AKAP13: variants seen among roughly 807,000 people sequenced by gnomAD.
AKAP13 encodes A-kinase anchor protein 13.
Under a neutral mutation model 264.5 loss-of-function variants are expected in AKAP13, and 80 were observed. That is an observed-to-expected ratio of 0.30 (90% CI 0.25 to 0.36). The LOEUF (loss-of-function observed/expected upper bound fraction) is 0.36. AKAP13 is among the 10% of genes least tolerant of loss of function. The pLI is 1.00. For synonymous variants in AKAP13, 1,380 were observed against 1,250.2 expected (o/e 1.10, Z -2.19); for missense variants, 3,712 against 3,435.2 (o/e 1.08, Z -2.01).
chr15:85,464,451 T>C (rs1307817485), intron 1 of AKAP13, among the ~76,000 whole-genome samples: 1 of 151,990 alleles, frequency 6.6e-6, no homozygotes, highest in Non-Finnish European at 1.5e-5. Context: ...GTTTTGAAAC[T>C]TAATCTGTAT....
At chr15:85,625,481 A>T (rs534576064) in intron 8 of AKAP13, among the ~76,000 whole-genome samples, 18 of 152,268 alleles carry the variant, frequency 1.2e-4, no homozygotes, top group Admixed American at 1.0e-3. Flanking sequence ...TCTTTGAATC[A>T]CGTTTGGAAA....
chr15:85,464,547 T>C (rs1264906488), intron 1 of AKAP13, among the ~76,000 whole-genome samples: 1 of 152,228 alleles, frequency 6.6e-6, no homozygotes, highest in East Asian at 1.9e-4. Context: ...TCTAACTCTC[T>C]AGTTTTTGTA....
intron 14 of AKAP13, 102 bp from the exon 15 acceptor site, chr15:85,682,056 G>T (rs936270696): frequency 9.3e-7 from 1 of 1,074,148 alleles, no homozygotes; most frequent in Non-Finnish European, 1.4e-6. Context: ...ACTTTCACAC[G>T]CTGTTTTTGC....
chr15:85,478,223 G>A (rs2075238848), intron 1 of AKAP13, among the ~76,000 whole-genome samples: 1 of 152,136 alleles, frequency 6.6e-6, no homozygotes, highest in East Asian at 1.9e-4. Flanking sequence ...ATATTTTAGG[G>A]GCTCAGAAAT....
At chr15:85,592,704 G>C (rs1013301999) in intron 8 of AKAP13, among the ~76,000 whole-genome samples, 5 of 152,130 alleles carry the variant, frequency 3.3e-5, no homozygotes, top group African/African-American at 9.6e-5. Context: ...AGATTTTTTG[G>C]AGACTCTCTG....
At chr15:85,660,296 T>G (rs2083281362) in intron 12 of AKAP13, among the ~76,000 whole-genome samples, 1 of 134,760 alleles carries the variant, frequency 7.4e-6, no homozygotes, top group Non-Finnish European at 1.5e-5. Flanking sequence ...GAGGTTGCAG[T>G]GAGCTGAGAT....
chr15:85,581,198 C>G lies in AKAP13; in HGVS notation c.3130C>G (p.Pro1044Ala), dbSNP rs376553499. ...AGAGCACAACAGCTCCGCTCTGTTG[C>G]CATGTCTGTTGCCAGATGGGTCTGA... ...GAEHNSSALL[P>A]CLLPDGSDGS... Residue 1044 changes from proline (P) to alanine (A), a missense_variant, in exon 7 of 37, where the codon CCA (proline) becomes GCA (alanine). Transcript: ENST00000394518. 1.2e-6 allele frequency: 2 copies of G among 1,613,712 alleles called. No homozygotes were observed. The highest frequency in any genetic ancestry group is 2.7e-5 in the African/African-American group (2 of 74,910).
intron 5 of AKAP13, among the ~76,000 whole-genome samples, chr15:85,574,514 A>G (rs959556935): frequency 7.9e-5 from 12 of 152,224 alleles, no homozygotes; most frequent in African/African-American, 2.9e-4. Context: ...AAATTTTACG[A>G]ATTTTAACTT....
chr15:85,388,449 G>A (rs2070695554), intron 1 of AKAP13, among the ~76,000 whole-genome samples: 1 of 152,032 alleles, frequency 6.6e-6, no homozygotes, highest in South Asian at 2.1e-4. Flanking sequence ...TGTTAGAGGG[G>A]AAAACACTGA....
intron 15 of AKAP13, among the ~76,000 whole-genome samples, chr15:85,682,470 T>C: frequency 6.6e-6 from 1 of 152,216 alleles, no homozygotes; most frequent in East Asian, 1.9e-4. Flanking sequence ...CACTATTATT[T>C]GACTTTATGA....
chr15:85,495,215 T>G (rs2075837494), intron 2 of AKAP13, among the ~76,000 whole-genome samples: 1 of 152,204 alleles, frequency 6.6e-6, no homozygotes, highest in Non-Finnish European at 1.5e-5. Context: ...AGTAAGGCTT[T>G]CTCTTGTAAA....
chr15:85,714,205 A>C (rs1264202415), intron 19 of AKAP13, among the ~76,000 whole-genome samples: 1 of 152,254 alleles, frequency 6.6e-6, no homozygotes, highest in Non-Finnish European at 1.5e-5. Context: ...TTTAAAAATC[A>C]TAAGGAAGAG....
intron 16 of AKAP13, among the ~76,000 whole-genome samples, chr15:85,688,289 A>G (rs1020000409): frequency 2.6e-5 from 4 of 152,200 alleles, no homozygotes; most frequent in African/African-American, 4.8e-5. Context: ...AAGTGCTACT[A>G]TGGATATTGA....
At chr15:85,413,577 G>A (rs1054835843) in intron 1 of AKAP13, among the ~76,000 whole-genome samples, 11 of 152,168 alleles carry the variant, frequency 7.2e-5, no homozygotes, top group Admixed American at 1.3e-4. Context: ...TTATTGTGCT[G>A]CAAGCATCAG....
At chr15:85,528,537 G>A (rs4638530) in intron 3 of AKAP13, among the ~76,000 whole-genome samples, 130,717 of 152,180 alleles carry the variant, frequency 0.86, 56,457 homozygotes, top group African/African-American at 0.89. Flanking sequence ...TTAACAATCC[G>A]TAAGGTTGAT....
chr15:85,589,464 G>T (rs2079497791), intron 8 of AKAP13, among the ~76,000 whole-genome samples: 2 of 151,940 alleles, frequency 1.3e-5, no homozygotes, highest in African/African-American at 4.8e-5. Flanking sequence ...TTAAAAAAAT[G>T]TAAAATCTCA....
chr15:85,548,595 TA>T (rs1021026511), intron 5 of AKAP13, among the ~76,000 whole-genome samples: 1 of 152,100 alleles, frequency 6.6e-6, no homozygotes, highest in Non-Finnish European at 1.5e-5. Flanking sequence ...TTATTTTAAC[TA>T]AAAAAAGATT....
chr15:85,613,753 G>T (rs1254884445), intron 8 of AKAP13, among the ~76,000 whole-genome samples: 3 of 144,812 alleles, frequency 2.1e-5, no homozygotes, highest in African/African-American at 7.7e-5. Flanking sequence ...TACCAGGGGA[G>T]GCTTTTAGTG....
chr15:85,423,563 C>T (rs1235173576), intron 1 of AKAP13, among the ~76,000 whole-genome samples: 1 of 152,188 alleles, frequency 6.6e-6, no homozygotes, highest in Non-Finnish European at 1.5e-5. Context: ...CTGTTTCCAC[C>T]ACATGTCCAG....
Sources: gnomAD v4.1 joint callset for allele counts (sites outside exome capture counted in the v4.1 genomes callset) on GRCh38, gnomAD v4.1.1 for gene constraint, MANE v1.5 for transcripts, NCBI Gene and HGNC (gene_info 2026-07-23, HGNC 2026-07-21) for gene names.